SYN3: variants seen among roughly 807,000 people sequenced by gnomAD.
SYN3 encodes the protein synapsin III, also known as synapsin-3.
SYN3 carries 35 observed loss-of-function variants against 65.8 expected under a neutral mutation model. The observed-to-expected ratio is 0.53, with a 90% CI of 0.41 to 0.70. The LOEUF is 0.70. Ranked by LOEUF, SYN3 falls within the 30% of genes least tolerant of loss-of-function variation. The pLI, the probability that SYN3 is intolerant of heterozygous loss-of-function variation, is 0.00. For synonymous variants in SYN3, 270 were observed against 292.9 expected, an observed-to-expected ratio of 0.92 and a Z score of 0.80; for missense variants, 680 against 749.0, an observed-to-expected ratio of 0.91 and a Z score of 1.08.
At position 32,569,836 on chromosome 22, in the gene SYN3, G is replaced by A. The variant is rs187335537; in HGVS notation, c.774+26838C>T. On this transcript the variant is annotated intron_variant, in intron 7 of 13. Transcript: ENST00000358763. Reference sequence around the variant, plus strand: ...ACTGTGAAGATTTAGAAGTAAACTGGCCCAATGATTTGAACAGTGCCAGGC... The same window carrying A: ...ACTGTGAAGATTTAGAAGTAAACTGACCCAATGATTTGAACAGTGCCAGGC... 3.9e-5 allele frequency among the ~76,000 whole-genome samples: 6 copies of A among 152,220 alleles called. No homozygotes were observed. The East Asian group carries it at 1.2e-3, about 29-fold the overall frequency.
chr22:32,962,298 G>A (rs768285705), intron 3 of SYN3, among the ~76,000 whole-genome samples: 2 of 151,902 alleles, frequency 1.3e-5, no homozygotes, highest in East Asian at 3.9e-4. Context: ...ACCTCACCCG[G>A]CTAATTTTTG....
intron 6 of SYN3, among the ~76,000 whole-genome samples, chr22:32,798,757 T>G (rs1243496484): frequency 1.4e-5 from 2 of 143,862 alleles, no homozygotes; most frequent in African/African-American, 5.3e-5. Flanking sequence ...AGTGGCATGA[T>G]CTCAGCTCAC....
chr22:32,677,880 G>A (rs2060468775), intron 6 of SYN3, among the ~76,000 whole-genome samples: 2 of 152,260 alleles, frequency 1.3e-5, no homozygotes, highest in African/African-American at 4.8e-5. Context: ...GTGTGTGTGT[G>A]TGTACACAGA....
At position 32,712,872 on chromosome 22, in the gene SYN3, G is replaced by T. The variant is rs144493529; in HGVS notation, c.712-116136C>A. Among the ~76,000 whole-genome samples the T allele has an allele frequency of 2.7e-3, 412 of 152,158 alleles. 2 individuals are homozygous for T. Among genetic ancestry groups the T allele is most frequent in the African/African-American group, 9.3e-3 (385 of 41,506 alleles). On this transcript the variant is annotated intron_variant, in intron 6 of 13. Transcript: ENST00000358763. Reference sequence around the variant, plus strand: ...TATCTGCAGTCCAGAGAAACTTTCTGTGACCTTCATACCAAAGCTTCTTCC... The same window carrying T: ...TATCTGCAGTCCAGAGAAACTTTCTTTGACCTTCATACCAAAGCTTCTTCC...
chr22:32,529,577 C>A (rs769879437), intron 10 of SYN3, among the ~76,000 whole-genome samples: 4 of 152,152 alleles, frequency 2.6e-5, no homozygotes, highest in Non-Finnish European at 5.9e-5. Flanking sequence ...GTGCTTCTAT[C>A]GGGAGGAACC....
chr22:32,559,974 C>T (rs2058563014), intron 7 of SYN3, among the ~76,000 whole-genome samples: 1 of 152,182 alleles, frequency 6.6e-6, no homozygotes, highest in Non-Finnish European at 1.5e-5. Flanking sequence ...TGGTATATGA[C>T]CTTCTTCTAG....
intron 6 of SYN3, among the ~76,000 whole-genome samples, chr22:32,607,369 T>C (rs1241644057): frequency 6.6e-6 from 1 of 152,112 alleles, no homozygotes; most frequent in African/African-American, 2.4e-5. Context: ...ATCAAAAATG[T>C]TCTCTTCTCT....
intron 6 of SYN3, among the ~76,000 whole-genome samples, chr22:32,815,245 C>T (rs1349564729): frequency 6.6e-6 from 1 of 152,190 alleles, no homozygotes; most frequent in East Asian, 1.9e-4. Context: ...CTACTGACAG[C>T]TTTGCTGCAA....
At chr22:32,959,505 T>G (rs2051577451) in intron 3 of SYN3, among the ~76,000 whole-genome samples, 1 of 151,612 alleles carries the variant, frequency 6.6e-6, no homozygotes, top group Non-Finnish European at 1.5e-5. Flanking sequence ...GAGCCAAGAT[T>G]GCGCCACTGT....
intron 6 of SYN3, among the ~76,000 whole-genome samples, chr22:32,682,241 T>C (rs2147117395): frequency 6.6e-6 from 1 of 152,308 alleles, no homozygotes; most frequent in Non-Finnish European, 1.5e-5. Context: ...CAAAACATCC[T>C]ACAATGCACA....
At chr22:32,945,165 T>C (rs2051066566) in intron 3 of SYN3, among the ~76,000 whole-genome samples, 1 of 152,224 alleles carries the variant, frequency 6.6e-6, no homozygotes, top group African/African-American at 2.4e-5. Context: ...TACCAATGAC[T>C]TTCTTCACAG....
rs534663521 is a variant in SYN3, at chr22:32,981,588, CAATAAT to C, written c.312-892_312-887del. Among the ~76,000 whole-genome samples, 20 of 149,980 alleles carry C rather than the reference CAATAAT, an allele frequency of 1.3e-4. 1 individual carries two copies. In the South Asian group the frequency reaches 3.0e-3, roughly 22 times the overall value. Reference sequence around the variant, plus strand: ...AACAAGAGCGAAACTCAGTCTCAAACAATAATAATAATAATAATAATAATAATTGTG... The same window carrying C: ...AACAAGAGCGAAACTCAGTCTCAAACAATAATAATAATAATAATAATTGTG... On this transcript the variant is annotated intron_variant, in intron 2 of 13. Transcript: ENST00000358763.
intron 7 of SYN3, among the ~76,000 whole-genome samples, chr22:32,582,780 GT>G (rs113855106): frequency 0.017 from 2,547 of 152,270 alleles, 73 homozygotes; most frequent in African/African-American, 0.058. Flanking sequence ...GCTCAGGACC[GT>G]CTGACTTCAG....
intron 4 of SYN3, among the ~76,000 whole-genome samples, chr22:32,906,272 T>A (rs775378616): frequency 1.2e-4 from 18 of 152,152 alleles, no homozygotes; most frequent in Non-Finnish European, 1.8e-4. Context: ...AAGGGGATTC[T>A]TGGGCCTCAA....
chr22:32,829,558 C>T (rs978703549), intron 6 of SYN3, among the ~76,000 whole-genome samples: 7 of 152,242 alleles, frequency 4.6e-5, no homozygotes, highest in African/African-American at 1.4e-4. Context: ...CCTCCTGTTT[C>T]GTGAAAAACG....
At chr22:32,710,645 A>AAAAAAAAAG (rs1555931894) in intron 6 of SYN3, among the ~76,000 whole-genome samples, 1 of 126,986 alleles carries the variant, frequency 7.9e-6, no homozygotes, top group African/African-American at 3.5e-5. Flanking sequence ...AAAAAAAAAA[A>AAAAAAAAAG]AAAGAAAGAA....
intron 6 of SYN3, among the ~76,000 whole-genome samples, chr22:32,704,041 AT>A (rs1428847267): frequency 8.5e-5 from 13 of 152,176 alleles, no homozygotes; most frequent in African/African-American, 2.9e-4. Context: ...CTGAAATTAT[AT>A]TGTAACTTTT....
chr22:33,028,691 ATGG>A (rs1170552905), intron 1 of SYN3, among the ~76,000 whole-genome samples: 146 of 43,084 alleles, frequency 3.4e-3, no homozygotes, highest in African/African-American at 0.011. Flanking sequence ...GGTGGTGGTG[ATGG>A]TGGTGGTGGT....
intron 7 of SYN3, among the ~76,000 whole-genome samples, chr22:32,559,543 C>G (rs1188729821): frequency 1.3e-5 from 2 of 152,128 alleles, no homozygotes; most frequent in Non-Finnish European, 2.9e-5. Context: ...ATAGAAAAAA[C>G]CTTGGCCGGG....
Sources: gnomAD v4.1 joint callset for allele counts (sites outside exome capture counted in the v4.1 genomes callset) on GRCh38, gnomAD v4.1.1 for gene constraint, MANE v1.5 for transcripts, NCBI Gene and HGNC (gene_info 2026-07-23, HGNC 2026-07-21) for gene names.